ADAM32: variants seen among roughly 807,000 people sequenced by gnomAD.
ADAM32 encodes the protein ADAM metallopeptidase domain 32.
A neutral mutation model predicts 114.9 loss-of-function variants in ADAM32; 89 were observed. That is an observed-to-expected ratio of 0.77 (90% CI 0.65 to 0.92). The LOEUF is 0.92. Among genes scored for constraint, ADAM32 ranks in the 40% least tolerant of loss-of-function variants. ADAM32 has a pLI of 0.00. For synonymous variants in ADAM32, 285 were observed against 307.5 expected (o/e 0.93, Z 0.77); for missense variants, 870 against 932.8 (o/e 0.93, Z 0.88).
intron 16 of ADAM32, among the ~76,000 whole-genome samples, chr8:39,244,545 G>A (rs1302806547): frequency 1.3e-5 from 2 of 152,134 alleles, no homozygotes; most frequent in African/African-American, 4.8e-5. Context: ...ACATAAAGTG[G>A]GGAAAGGACA....
At chr8:39,205,590 C>T (rs891436381) in intron 11 of ADAM32, among the ~76,000 whole-genome samples, 1 of 152,206 alleles carries the variant, frequency 6.6e-6, no homozygotes, top group African/African-American at 2.4e-5. Flanking sequence ...GGTACCTTGC[C>T]CTGCTTCGCC....
At chr8:39,164,862 A>G (rs1429596698) in intron 8 of ADAM32, 27 bp downstream of exon 8, 1 of 1,580,418 alleles carries the variant, frequency 6.3e-7, no homozygotes, top group Non-Finnish European at 8.6e-7. Context: ...TCATATTAAA[A>G]TAATTGTTGT....
chr8:39,228,524 A>T (rs562833610), intron 14 of ADAM32, among the ~76,000 whole-genome samples: 4 of 152,202 alleles, frequency 2.6e-5, no homozygotes, highest in Non-Finnish European at 5.9e-5. Context: ...CACTGTTAGA[A>T]ATGCAAAATC....
At chr8:39,163,986 A>G (rs1418400913) in intron 7 of ADAM32, among the ~76,000 whole-genome samples, 1 of 152,178 alleles carries the variant, frequency 6.6e-6, no homozygotes, top group Non-Finnish European at 1.5e-5. Flanking sequence ...ATATGTATGT[A>G]TACATACACA....
rs1806921208 is a variant in ADAM32 at position 39,195,516 on chromosome 8, T to C, written c.1052+8471T>C. ...GCCATAAAATCTGCCTAGAACAATGTCCTGAAATATTTCTGTTTTCTTCTA... is the reference window on the plus strand; with the variant it reads ...GCCATAAAATCTGCCTAGAACAATGCCCTGAAATATTTCTGTTTTCTTCTA... On this transcript the variant is annotated intron_variant, in intron 11 of 24. Transcript: ENST00000379907. Among the ~76,000 whole-genome samples the C allele has an allele frequency of 2.6e-5, 4 of 152,196 alleles. No homozygotes were observed. In the South Asian group the frequency reaches 8.3e-4, roughly 32 times the overall value.
intron 2 of ADAM32, among the ~76,000 whole-genome samples, chr8:39,133,338 C>T (rs1178383954): frequency 6.6e-6 from 1 of 152,238 alleles, no homozygotes; most frequent in African/African-American, 2.4e-5. Context: ...ATATTGTTGT[C>T]ATGTGCAGAG....
intron 11 of ADAM32, among the ~76,000 whole-genome samples, 191 bp from the exon 12 acceptor site, chr8:39,210,953 G>A (rs1218071803): frequency 6.6e-6 from 1 of 151,912 alleles, no homozygotes; most frequent in Non-Finnish European, 1.5e-5. Flanking sequence ...ACTTAATTTT[G>A]TTTTATTAAG....
intron 11 of ADAM32, among the ~76,000 whole-genome samples, chr8:39,191,075 A>T (rs550575492): frequency 6.6e-6 from 1 of 152,274 alleles, no homozygotes; most frequent in African/African-American, 2.4e-5. Flanking sequence ...TCCTGCAAAA[A>T]ACATGATCTC....
At chr8:39,270,829 G>T (rs955305990) in intron 19 of ADAM32, 47 bp from the exon 20 acceptor site, 1 of 1,490,024 alleles carries the variant, frequency 6.7e-7, no homozygotes, top group African/African-American at 1.4e-5. Flanking sequence ...CATGAAGTTG[G>T]CAAGTTTTCT....
chr8:39,247,551 G>A (rs1405978231), intron 17 of ADAM32, among the ~76,000 whole-genome samples: 2 of 151,918 alleles, frequency 1.3e-5, no homozygotes, highest in Admixed American at 1.3e-4. Context: ...TTGTTTTCTT[G>A]TTGAGTTTTA....
Position 39,254,401 on chromosome 8 carries a change from A to G in ADAM32, c.1903-13A>G, listed in dbSNP as rs1180902612. On this transcript the variant is annotated splice_polypyrimidine_tract_variant and intron_variant, in intron 17 of 24. Transcript: ENST00000379907. The stretch of plus-strand genomic sequence containing the variant: ...TTTTAAAACAATCATTTAATTTTTC[A>G]AAATGATCCTAGGTGTGTGATTCCA... 1.3e-6 allele frequency: 2 copies of G among 1,558,350 alleles called. No individual in the cohort carries two copies. The highest frequency in any genetic ancestry group is 3.7e-5 in the Admixed American group (2 of 53,980).
At chr8:39,110,191 C>T (rs1341965117) in intron 1 of ADAM32, among the ~76,000 whole-genome samples, 1 of 152,136 alleles carries the variant, frequency 6.6e-6, no homozygotes, top group Non-Finnish European at 1.5e-5. Context: ...GCCTCAGCCT[C>T]CCAAATAGCT....
chr8:39,181,612 A>G (rs1805900109), intron 10 of ADAM32, among the ~76,000 whole-genome samples: 1 of 152,232 alleles, frequency 6.6e-6, no homozygotes, highest in African/African-American at 2.4e-5. Flanking sequence ...TTTGAAGACT[A>G]ATGTATCATA....
intron 22 of ADAM32, chr8:39,276,143 A>T: frequency 3.0e-6 from 1 of 330,078 alleles, no homozygotes; most frequent in East Asian, 4.7e-5. Flanking sequence ...TTAAGGAGCT[A>T]ATTCATAAAA....
intron 11 of ADAM32, among the ~76,000 whole-genome samples, chr8:39,196,677 A>G (rs1488723895): frequency 6.6e-6 from 1 of 152,160 alleles, no homozygotes; most frequent in East Asian, 1.9e-4. Context: ...CAATCTTGGT[A>G]TAAATCATAC....
At chr8:39,223,417 G>A (rs1055961461) in intron 14 of ADAM32, 179 bp downstream of exon 14, 2 of 302,286 alleles carry the variant, frequency 6.6e-6, no homozygotes, top group African/African-American at 4.4e-5. Context: ...AGTATAAAAT[G>A]TGGAATATAT....
At chr8:39,209,939 C>A (rs1016968669) in intron 11 of ADAM32, among the ~76,000 whole-genome samples, 1 of 152,228 alleles carries the variant, frequency 6.6e-6, no homozygotes, top group Non-Finnish European at 1.5e-5. Context: ...ACCTGAAGCC[C>A]ATGGCCTCAT....
intron 3 of ADAM32, among the ~76,000 whole-genome samples, chr8:39,143,477 G>A (rs1247054908): frequency 6.6e-6 from 1 of 152,110 alleles, no homozygotes. Flanking sequence ...TCAGCTGCAG[G>A]TCTGTTGGAG....
chr8:39,148,507 G>T (rs74409982), intron 4 of ADAM32, among the ~76,000 whole-genome samples: 5,992 of 149,880 alleles, frequency 0.04, 429 homozygotes, highest in African/African-American at 0.14. Flanking sequence ...TTTTTCCCAT[G>T]GCAGTTATCA....
Sources: allele counts gnomAD v4.1 joint callset (sites outside exome capture counted in the v4.1 genomes callset), GRCh38; gene constraint gnomAD v4.1.1; transcripts MANE v1.5; gene names NCBI Gene and HGNC (gene_info 2026-07-23, HGNC 2026-07-21).